CSMD1: variants seen among roughly 807,000 people sequenced by gnomAD.
CSMD1 encodes CUB and sushi domain-containing protein 1.
A neutral mutation model predicts 417.5 loss-of-function variants in CSMD1; 213 were observed. That is an observed-to-expected ratio of 0.51 (90% CI 0.46 to 0.57). CSMD1 has a LOEUF of 0.57. Ranked by LOEUF, CSMD1 falls within the 20% of genes least tolerant of loss-of-function variation. The pLI is 0.00. For synonymous variants in CSMD1, 2,862 were observed against 1,736.8 expected (o/e 1.65, Z -16.11); for missense variants, 6,923 against 4,529.7 (o/e 1.53, Z -15.17).
chr8:4,772,775 G>A (rs961864184), intron 1 of CSMD1, among the ~76,000 whole-genome samples: 1 of 152,174 alleles, frequency 6.6e-6, no homozygotes, highest in Non-Finnish European at 1.5e-5. Flanking sequence ...TAACAGATCA[G>A]TCTTCCAGGG....
chr8:4,507,426 A>C (rs541645470), intron 2 of CSMD1, among the ~76,000 whole-genome samples: 123 of 152,276 alleles, frequency 8.1e-4, no homozygotes, highest in African/African-American at 2.9e-3. Context: ...CACATTATCC[A>C]GTGTTTTATG....
intron 7 of CSMD1, among the ~76,000 whole-genome samples, chr8:3,680,996 T>G (rs554337249): frequency 6.6e-6 from 1 of 152,196 alleles, no homozygotes; most frequent in Non-Finnish European, 1.5e-5. Context: ...CAGCCCTTCA[T>G]GCTAAAAACT....
intron 1 of CSMD1, among the ~76,000 whole-genome samples, chr8:4,652,598 G>T (rs1740487862): frequency 6.6e-6 from 1 of 152,046 alleles, no homozygotes; most frequent in Non-Finnish European, 1.5e-5. Context: ...GTTGCAGTGG[G>T]CCGAGATCAA....
At chr8:4,818,347 C>T (rs775886476) in intron 1 of CSMD1, among the ~76,000 whole-genome samples, 4 of 152,122 alleles carry the variant, frequency 2.6e-5, no homozygotes, top group Non-Finnish European at 5.9e-5. Flanking sequence ...GCATTGCCTG[C>T]CACAGTTTAA....
At chr8:4,389,949 T>G (rs1202031040) in intron 3 of CSMD1, among the ~76,000 whole-genome samples, 1 of 152,238 alleles carries the variant, frequency 6.6e-6, no homozygotes, top group African/African-American at 2.4e-5. Context: ...GTATGTCCTA[T>G]GATATGCATG....
chr8:3,445,048 A>G (rs1167691539), intron 12 of CSMD1, among the ~76,000 whole-genome samples: 1 of 152,212 alleles, frequency 6.6e-6, no homozygotes, highest in East Asian at 1.9e-4. Flanking sequence ...AACACTCTGG[A>G]GATGCAATCG....
At position 3,284,243 on chromosome 8, in the gene CSMD1, C is replaced by T. The variant is rs568889149; in HGVS notation, c.4054G>A (p.Ala1352Thr). The change falls in exon 26 of 70, where the codon GCC becomes ACC. Residue 1352 changes from alanine (A) to threonine (T), a missense_variant. Ala to Thr is a moderately conservative substitution (Grantham distance 58). Coordinates refer to ENST00000635120, the MANE Select transcript of CSMD1 (RefSeq NM_033225.6). ...DILLKEWSGS[A>T]LPEDIHSTFN... ...GTGCTGTGGATGTCCTCCGGAAGGG[C>T]GGAGCCACTCCACTCCTTCAGCAGG... The T allele has an allele frequency of 4.3e-6, 7 of 1,613,584 alleles. No homozygotes were observed. Among genetic ancestry groups the T allele is most frequent in the Middle Eastern group, 1.7e-4 (1 of 6,058 alleles).
Position 3,406,095 on chromosome 8 carries a change from G to T in CSMD1, c.2198C>A (p.Ser733Tyr), listed in dbSNP as rs772843909. 1.2e-6 allele frequency: 2 copies of T among 1,613,946 alleles called. No homozygotes were observed. Among genetic ancestry groups the T allele is most frequent in the Non-Finnish European group, 1.7e-6 (2 of 1,179,874 alleles). ...TTGCAGTATGCAGGTAATGGACTCG[G>T]ATCCCTGGGTCTTGACAAAGCCATC... is the stretch of plus-strand genomic sequence containing the variant. ...CDDGFVKTQG[S>Y]ESITCILQDG... Residue 733 changes from serine to tyrosine, a missense_variant, in exon 15 of 70, where the codon TCC becomes TAC. Ser to Tyr is a moderately radical substitution (Grantham distance 144). Transcript: ENST00000635120.
At chr8:3,089,584 G>A (rs1814789533) in intron 48 of CSMD1, among the ~76,000 whole-genome samples, 1 of 152,104 alleles carries the variant, frequency 6.6e-6, no homozygotes, top group Non-Finnish European at 1.5e-5. Flanking sequence ...GAGTTCCCTT[G>A]GCCACATGTT....
At chr8:3,634,257 G>A (rs1796924715) in intron 7 of CSMD1, among the ~76,000 whole-genome samples, 1 of 152,192 alleles carries the variant, frequency 6.6e-6, no homozygotes, top group South Asian at 2.1e-4. Flanking sequence ...TTGGCCACTT[G>A]GTCCAGCCAC....
At chr8:3,086,806 T>G (rs1346822427) in intron 49 of CSMD1, among the ~76,000 whole-genome samples, 1 of 152,214 alleles carries the variant, frequency 6.6e-6, no homozygotes, top group Non-Finnish European at 1.5e-5. Context: ...AAAATTATTT[T>G]GAATCTTAAA....
At chr8:3,586,817 T>G (rs544639514) in intron 8 of CSMD1, among the ~76,000 whole-genome samples, 1 of 152,338 alleles carries the variant, frequency 6.6e-6, no homozygotes, top group Non-Finnish European at 1.5e-5. Context: ...TGTTTTGTTT[T>G]GAGACAGAGT....
Position 3,083,649 on chromosome 8 carries a change from T to TATATATATA in CSMD1, c.7474+3447_7474+3448insTATATATAT, listed in dbSNP as rs58461366. ...ATATATATATATATATATATATATA[T>TATATATATA]TTTTTTTTTTTTTTTTTTTTTTTTT... is the stretch of plus-strand genomic sequence containing the variant. On this transcript the variant is annotated intron_variant, in intron 49 of 69. Coordinates refer to ENST00000635120, the MANE Select transcript of CSMD1 (RefSeq NM_033225.6). 3.2e-3 allele frequency among the ~76,000 whole-genome samples: 36 copies of TATATATATA among 11,190 alleles called. No individual in the cohort carries two copies. In the South Asian group the frequency reaches 0.04, roughly 12 times the overall value. The allele number at this position is 11,190 out of a possible 152,430, so 7.3% of individuals were successfully genotyped here.
At chr8:4,938,305 A>G (rs887763248) in intron 1 of CSMD1, among the ~76,000 whole-genome samples, 6 of 152,200 alleles carry the variant, frequency 3.9e-5, no homozygotes, top group Non-Finnish European at 8.8e-5. Flanking sequence ...TTTGACAGGA[A>G]AAGTTTAACT....
At chr8:4,622,970 C>G (rs1320717379) in intron 2 of CSMD1, among the ~76,000 whole-genome samples, 3 of 152,016 alleles carry the variant, frequency 2.0e-5, no homozygotes, top group African/African-American at 7.2e-5. Context: ...TTTTATATGT[C>G]ACATGAAATC....
chr8:3,642,610 C>T (rs1348073333), intron 7 of CSMD1, among the ~76,000 whole-genome samples: 1 of 152,118 alleles, frequency 6.6e-6, no homozygotes, highest in Admixed American at 6.6e-5. Flanking sequence ...ACGAGAAAAC[C>T]TGGCATCGTG....
At chr8:3,631,680 G>A (rs1298195645) in intron 7 of CSMD1, among the ~76,000 whole-genome samples, 1 of 152,226 alleles carries the variant, frequency 6.6e-6, no homozygotes, top group African/African-American at 2.4e-5. Context: ...ATGGAAGATT[G>A]AAGTCGTCAG....
chr8:4,711,263 C>G (rs1319884871), intron 1 of CSMD1, among the ~76,000 whole-genome samples: 1 of 151,840 alleles, frequency 6.6e-6, no homozygotes, highest in Non-Finnish European at 1.5e-5. Context: ...AATCATCACA[C>G]TTATAAAAGA....
chr8:3,448,418 G>GGCA (rs547403033), intron 12 of CSMD1, among the ~76,000 whole-genome samples: 1 of 137,214 alleles, frequency 7.3e-6, no homozygotes, highest in Non-Finnish European at 1.6e-5. Flanking sequence ...AAGGAAGGAA[G>GGCA]GGAAGGAAGA....
Sources: gnomAD v4.1 joint callset for allele counts (sites outside exome capture counted in the v4.1 genomes callset) on GRCh38, gnomAD v4.1.1 for gene constraint, MANE v1.5 for transcripts, NCBI Gene and HGNC (gene_info 2026-07-23, HGNC 2026-07-21) for gene names.